The following STAG1 variants were observed in gnomAD, a reference collection of about 807,000 sequenced individuals.
The protein encoded by STAG1 is cohesin subunit SA-1.
In STAG1, 26 loss-of-function variants were observed where a neutral mutation model predicts 170.9. That is an observed-to-expected ratio of 0.15 (90% CI 0.11 to 0.21). The LOEUF (loss-of-function observed/expected upper bound fraction) is 0.21, where lower values mean the gene tolerates loss of function less well. STAG1 is among the 10% of genes least tolerant of loss of function. STAG1 has a pLI of 1.00. For missense variants in STAG1, 964 were observed against 1,509.5 expected (o/e 0.64, Z 5.99); for synonymous variants, 514 against 497.7 (o/e 1.03, Z -0.44).
At position 136,590,508 on chromosome 3, in the gene STAG1, A is replaced by C. The variant is rs566144324; in HGVS notation, c.297+13801T>G. 4.0e-4 allele frequency among the ~76,000 whole-genome samples: 61 copies of C among 152,128 alleles called. 1 individual carries two copies. The highest frequency in any genetic ancestry group is 7.9e-4 in the African/African-American group (33 of 41,516). The stretch of plus-strand genomic sequence containing the variant: ...ACTCTGTCTCAAAAAAAAAGAAAAA[A>C]AAAAACAAAAACAAAAAAACTAAAA... On this transcript the variant is annotated intron_variant, in intron 4 of 33. Transcript: ENST00000383202.
chr3:136,675,928 G>A (rs1942116047), intron 1 of STAG1, among the ~76,000 whole-genome samples: 1 of 152,190 alleles, frequency 6.6e-6, no homozygotes, highest in Non-Finnish European at 1.5e-5. Context: ...TCTTTACAAT[G>A]TGCAAACATT....
At chr3:136,457,522 G>T (rs1406223154) in intron 13 of STAG1, among the ~76,000 whole-genome samples, 3 of 152,056 alleles carry the variant, frequency 2.0e-5, no homozygotes, top group African/African-American at 7.2e-5. Flanking sequence ...AGAGCTCGGG[G>T]CCTTCGCAGC....
chr3:136,607,557 C>G (rs1939026142), intron 3 of STAG1, among the ~76,000 whole-genome samples: 1 of 152,144 alleles, frequency 6.6e-6, no homozygotes, highest in South Asian at 2.1e-4. Flanking sequence ...CATGTGCCAC[C>G]ACACCCAACT....
At chr3:136,398,285 T>C (rs1252496029) in intron 22 of STAG1, among the ~76,000 whole-genome samples, 3 of 152,138 alleles carry the variant, frequency 2.0e-5, no homozygotes, top group Non-Finnish European at 4.4e-5. Flanking sequence ...GCCCAGCTAA[T>C]TTTTGTATTC....
intron 1 of STAG1, among the ~76,000 whole-genome samples, chr3:136,694,613 TAAAAAAAA>T (rs386398002): frequency 7.4e-6 from 1 of 135,326 alleles, no homozygotes; most frequent in African/African-American, 2.7e-5. Context: ...CCCATCTCTT[TAAAAAAAA>T]AAAAAAAACA....
At chr3:136,435,246 AG>A (rs2088424178) in intron 15 of STAG1, among the ~76,000 whole-genome samples, 1 of 152,368 alleles carries the variant, frequency 6.6e-6, no homozygotes, top group East Asian at 1.9e-4. Context: ...CACGATCATA[AG>A]TGGCTTATAT....
intron 5 of STAG1, among the ~76,000 whole-genome samples, chr3:136,567,066 A>G (rs1257790690): frequency 6.6e-6 from 1 of 152,226 alleles, no homozygotes; most frequent in Non-Finnish European, 1.5e-5. Context: ...AAGAGCAGTT[A>G]ACTATGTGTA....
chr3:136,536,741 G>C (rs1046420252), intron 6 of STAG1, among the ~76,000 whole-genome samples: 2 of 150,502 alleles, frequency 1.3e-5, no homozygotes, highest in Admixed American at 6.6e-5. Context: ...GGCTGTAGGA[G>C]CTAGATTGTT....
chr3:136,586,026 T>G (rs1937799343), intron 4 of STAG1, among the ~76,000 whole-genome samples: 1 of 152,204 alleles, frequency 6.6e-6, no homozygotes, highest in South Asian at 2.1e-4. Context: ...TTTTCTGTAT[T>G]TCAATTCTTA....
At chr3:136,615,262 A>G (rs935440571) in intron 3 of STAG1, among the ~76,000 whole-genome samples, 6 of 151,996 alleles carry the variant, frequency 3.9e-5, no homozygotes, top group Non-Finnish European at 7.4e-5. Context: ...CAAGAGACAG[A>G]TAGATACCTG....
At chr3:136,687,823 A>G (rs1198060256) in intron 1 of STAG1, among the ~76,000 whole-genome samples, 1 of 148,446 alleles carries the variant, frequency 6.7e-6, no homozygotes, top group African/African-American at 2.5e-5. Flanking sequence ...TGCAACCTCC[A>G]CCTCCTGGGT....
At chr3:136,419,354 G>A (rs780658634) in intron 20 of STAG1, among the ~76,000 whole-genome samples, 3 of 152,124 alleles carry the variant, frequency 2.0e-5, no homozygotes, top group Non-Finnish European at 2.9e-5. Context: ...GGACAACAAA[G>A]TTCTTTTTGT....
chr3:136,519,420 C>A (rs888996249), intron 7 of STAG1, among the ~76,000 whole-genome samples: 8 of 152,080 alleles, frequency 5.3e-5, no homozygotes, highest in African/African-American at 1.9e-4. Context: ...TATTGCTTCT[C>A]CTTCTCTCTT....
rs143026477 is a variant in STAG1, at chr3:136,709,949, C to T, written c.-84+42246G>A. On this transcript the variant is annotated intron_variant, in intron 1 of 33. Coordinates refer to ENST00000383202, the MANE Select transcript of STAG1 (RefSeq NM_005862.3). ...ACTGGGAAGGCTAAGGCATGAGAAT[C>T]GCTTGAACCCAGGAGGCAGAGGTTT... Among the ~76,000 whole-genome samples, 620 of 152,154 alleles carry T rather than the reference C, an allele frequency of 4.1e-3. 5 individuals are homozygous for T. The highest frequency in any genetic ancestry group is 0.015 in the African/African-American group (606 of 41,514).
intron 14 of STAG1, 128 bp from the exon 15 acceptor site, chr3:136,443,532 A>G: frequency 1.5e-6 from 1 of 647,788 alleles, no homozygotes; most frequent in South Asian, 2.1e-5. Context: ...AAAACCACTT[A>G]GAGAACAATA....
chr3:136,474,651 C>G, intron 10 of STAG1, among the ~76,000 whole-genome samples: 1 of 152,300 alleles, frequency 6.6e-6, no homozygotes, highest in Non-Finnish European at 1.5e-5. Flanking sequence ...CCTACAGTAG[C>G]ATACATACCA....
chr3:136,581,672 A>G (rs1202656002), intron 4 of STAG1, among the ~76,000 whole-genome samples: 1 of 152,154 alleles, frequency 6.6e-6, no homozygotes, highest in Non-Finnish European at 1.5e-5. Flanking sequence ...AGTTAAACGA[A>G]TCACATGAAA....
chr3:136,642,264 C>CTT (rs10592920), intron 1 of STAG1, among the ~76,000 whole-genome samples: 977 of 84,916 alleles, frequency 0.012, 92 homozygotes, highest in African/African-American at 0.036. Context: ...GACAGAATTT[C>CTT]TTTTTTTTTT....
intron 22 of STAG1, among the ~76,000 whole-genome samples, chr3:136,388,401 C>T (rs1576417038): frequency 6.6e-6 from 1 of 152,140 alleles, no homozygotes; most frequent in Admixed American, 6.6e-5. Flanking sequence ...TGGAGTCTCG[C>T]TCTGTTGCCC....
Sources: allele counts gnomAD v4.1 joint callset (sites outside exome capture counted in the v4.1 genomes callset), GRCh38; gene constraint gnomAD v4.1.1; transcripts MANE v1.5; gene names NCBI Gene and HGNC (gene_info 2026-07-23, HGNC 2026-07-21).